EPHA7: variants seen among roughly 807,000 people sequenced by gnomAD.
EPHA7 encodes ephrin type-A receptor 7.
A neutral mutation model predicts 112.6 loss-of-function variants in EPHA7; 25 were observed. That is an observed-to-expected ratio of 0.22 (90% CI 0.16 to 0.31). The LOEUF is 0.31. Ranked by LOEUF, EPHA7 falls within the 10% of genes least tolerant of loss-of-function variation. EPHA7 has a pLI of 1.00. For missense variants in EPHA7, 962 were observed against 1,212.6 expected, an observed-to-expected ratio of 0.79 and a Z score of 3.07; for synonymous variants, 437 against 406.5, an observed-to-expected ratio of 1.07 and a Z score of -0.90.
At chr6:93,254,338 T>G (rs1770343458) in intron 14 of EPHA7, among the ~76,000 whole-genome samples, 1 of 152,160 alleles carries the variant, frequency 6.6e-6, no homozygotes, top group South Asian at 2.1e-4. Flanking sequence ...ACTCATGTGA[T>G]GCTCCCACTC....
At chr6:93,393,452 C>T (rs1778007997) in intron 3 of EPHA7, among the ~76,000 whole-genome samples, 1 of 151,780 alleles carries the variant, frequency 6.6e-6, no homozygotes, top group South Asian at 2.1e-4. Flanking sequence ...AAAAAAACGC[C>T]TCTCAGATTA....
intron 6 of EPHA7, among the ~76,000 whole-genome samples, chr6:93,270,994 T>C (rs1283102604): frequency 6.6e-6 from 1 of 151,812 alleles, no homozygotes; most frequent in Non-Finnish European, 1.5e-5. Context: ...TTCAGATTTA[T>C]ATTGTAAGAA....
At chr6:93,371,081 G>A (rs1045152188) in intron 3 of EPHA7, among the ~76,000 whole-genome samples, 1 of 151,498 alleles carries the variant, frequency 6.6e-6, no homozygotes, top group Non-Finnish European at 1.5e-5. Flanking sequence ...GGAGAATGCT[G>A]TGAACCCAGG....
chr6:93,350,099 A>G (rs1473769841), intron 5 of EPHA7, among the ~76,000 whole-genome samples: 2 of 152,026 alleles, frequency 1.3e-5, no homozygotes, highest in African/African-American at 4.8e-5. Flanking sequence ...AACACAGGAA[A>G]GTCGGTCAGT....
chr6:93,331,759 GT>G (rs1162161452), intron 5 of EPHA7, among the ~76,000 whole-genome samples: 1 of 151,454 alleles, frequency 6.6e-6, no homozygotes, highest in Non-Finnish European at 1.5e-5. Context: ...ATTATACCTT[GT>G]TTAGTTTATC....
At position 93,360,531 on chromosome 6, in the gene EPHA7, C is replaced by T. The variant is rs74990143; in HGVS notation, c.833-2120G>A. Among the ~76,000 whole-genome samples, 947 of 152,112 alleles carry T rather than the reference C, an allele frequency of 6.2e-3. 4 individuals carry two copies. Among genetic ancestry groups the T allele is most frequent in the Admixed American group, 9.5e-3 (145 of 15,254 alleles). On this transcript the variant is annotated intron_variant, in intron 3 of 16. Coordinates refer to ENST00000369303, the MANE Select transcript of EPHA7 (RefSeq NM_004440.4). ...AGGTTATGGGGGGACAATGGCAACA[C>T]GATTTAACATTTCCAAAATGATGTT...
At chr6:93,285,558 T>G (rs1440898375) in intron 5 of EPHA7, among the ~76,000 whole-genome samples, 1 of 152,236 alleles carries the variant, frequency 6.6e-6, no homozygotes, top group Non-Finnish European at 1.5e-5. Flanking sequence ...TTTAATATTA[T>G]TAACTATGCA....
At chr6:93,388,907 A>G (rs147262016) in intron 3 of EPHA7, among the ~76,000 whole-genome samples, 5 of 152,208 alleles carry the variant, frequency 3.3e-5, no homozygotes, top group African/African-American at 1.2e-4. Flanking sequence ...ACATGATTGA[A>G]TTTGCAATTT....
Position 93,296,479 on chromosome 6 carries a change from T to TAC in EPHA7, c.1325-24059_1325-24058dup, listed in dbSNP as rs202196550. Among the ~76,000 whole-genome samples the TAC allele has an allele frequency of 4.3e-3, 634 of 145,802 alleles. 2 individuals carry two copies. The highest frequency in any genetic ancestry group is 7.2e-3 in the Middle Eastern group (2 of 276). On this transcript the variant is annotated intron_variant, in intron 5 of 16. Transcript: ENST00000369303. ...AATATATATATATGTATATATATAA[T>TAC]ACACACACACACACAGAATATTATT...
intron 5 of EPHA7, among the ~76,000 whole-genome samples, chr6:93,274,798 T>C (rs1771394492): frequency 6.6e-6 from 1 of 151,876 alleles, no homozygotes; most frequent in Non-Finnish European, 1.5e-5. Context: ...GAAACGTGAT[T>C]ATATTTTCCC....
chr6:93,355,020 G>A (rs1445675492), intron 5 of EPHA7, among the ~76,000 whole-genome samples: 1 of 63,034 alleles, frequency 1.6e-5, no homozygotes, highest in African/African-American at 1.1e-4. Context: ...ACCTAAAAAC[G>A]TTTCAAATCC....
chr6:93,260,760 A>G, intron 9 of EPHA7: 1 of 980,534 alleles, frequency 1.0e-6, no homozygotes, highest in South Asian at 4.7e-5. Flanking sequence ...AAACTGACAG[A>G]TGCTCATTTG....
At chr6:93,404,258 G>A (rs893472389) in intron 3 of EPHA7, among the ~76,000 whole-genome samples, 8 of 151,928 alleles carry the variant, frequency 5.3e-5, no homozygotes, top group Non-Finnish European at 1.0e-4. Flanking sequence ...CAAAGCAAGT[G>A]AAATATTTAG....
chr6:93,380,625 C>A (rs921176098), intron 3 of EPHA7, among the ~76,000 whole-genome samples: 4 of 152,000 alleles, frequency 2.6e-5, no homozygotes. Flanking sequence ...CAAGGAAATG[C>A]TGCAGCAAAT....
intron 15 of EPHA7, among the ~76,000 whole-genome samples, chr6:93,246,234 T>C (rs1465196347): frequency 6.6e-6 from 1 of 151,904 alleles, no homozygotes. Context: ...GTATTTTTAG[T>C]AGAGATGGGG....
At chr6:93,316,199 G>C (rs1773801959) in intron 5 of EPHA7, among the ~76,000 whole-genome samples, 1 of 152,130 alleles carries the variant, frequency 6.6e-6, no homozygotes, top group African/African-American at 2.4e-5. Flanking sequence ...TAACTGGTAA[G>C]GCAGGAAGGA....
intron 5 of EPHA7, among the ~76,000 whole-genome samples, chr6:93,284,120 G>C (rs1054021159): frequency 1.3e-5 from 2 of 151,884 alleles, no homozygotes; most frequent in Admixed American, 1.3e-4. Flanking sequence ...TTATATTTTG[G>C]CTGCTATCAG....
At chr6:93,391,254 A>T (rs1180267645) in intron 3 of EPHA7, among the ~76,000 whole-genome samples, 4 of 151,942 alleles carry the variant, frequency 2.6e-5, no homozygotes, top group African/African-American at 7.2e-5. Context: ...GGAGCAAGAG[A>T]GGTCATTATA....
At chr6:93,323,929 C>T (rs554914330) in intron 5 of EPHA7, among the ~76,000 whole-genome samples, 29 of 151,546 alleles carry the variant, frequency 1.9e-4, no homozygotes, top group African/African-American at 7.0e-4. Flanking sequence ...CTCCAGGAGA[C>T]CCTCCATTAC....
Sources: gnomAD v4.1 joint callset for allele counts (sites outside exome capture counted in the v4.1 genomes callset) on GRCh38, gnomAD v4.1.1 for gene constraint, MANE v1.5 for transcripts, NCBI Gene and HGNC (gene_info 2026-07-23, HGNC 2026-07-21) for gene names.